PRKN: variants seen among roughly 807,000 people sequenced by gnomAD.
PRKN encodes the protein E3 ubiquitin-protein ligase parkin.
Under a neutral mutation model 59.5 loss-of-function variants are expected in PRKN, and 56 were observed. The observed-to-expected ratio is 0.94, with a 90% CI of 0.76 to 1.18. The LOEUF is 1.18. PRKN is among the 50% of genes most tolerant of loss of function. The pLI, the probability that PRKN is intolerant of heterozygous loss-of-function variation, is 0.00. For synonymous variants in PRKN, 250 were observed against 222.1 expected (o/e 1.13, Z -1.12); for missense variants, 657 against 596.4 (o/e 1.10, Z -1.06).
At position 161,526,674 on chromosome 6, in the gene PRKN, C is replaced by T. The variant is rs1779028733; in HGVS notation, c.1083+22180G>A. ...CCTCTGATATAATTTTACATTTACT[C>T]ATCCATTCATTTGCAAATGTTTGCT... On this transcript the variant is annotated intron_variant, in intron 9 of 11. Transcript: ENST00000366898. The surrounding 1 kb of genome is among the most constrained non-coding windows in gnomAD (Gnocchi z 4.1). 6.6e-6 allele frequency among the ~76,000 whole-genome samples: 1 copy of T among 151,958 alleles called. No individual in the cohort carries two copies. Among genetic ancestry groups the T allele is most frequent in the Admixed American group, 6.6e-5 (1 of 15,260 alleles).
intron 2 of PRKN, among the ~76,000 whole-genome samples, chr6:162,266,307 T>G (rs1780132199): frequency 9.8e-6 from 1 of 102,130 alleles, no homozygotes; most frequent in South Asian, 4.8e-4. Context: ...ATTGTGTGTG[T>G]GTGTGTGTGT....
intron 3 of PRKN, among the ~76,000 whole-genome samples, chr6:162,206,721 G>C (rs1387475642): frequency 6.6e-6 from 1 of 152,140 alleles, no homozygotes; most frequent in Non-Finnish European, 1.5e-5. Context: ...CTGGTCAGAA[G>C]TAACAGCAGG....
chr6:161,846,151 T>C (rs558888622), intron 6 of PRKN, among the ~76,000 whole-genome samples: 2 of 152,146 alleles, frequency 1.3e-5, no homozygotes, highest in Non-Finnish European at 2.9e-5. Flanking sequence ...ATCTATCCCA[T>C]GTGAAGAGAA....
At chr6:162,065,513 A>T (rs1044323045) in intron 4 of PRKN, among the ~76,000 whole-genome samples, 1 of 151,736 alleles carries the variant, frequency 6.6e-6, no homozygotes, top group Non-Finnish European at 1.5e-5. Flanking sequence ...TCCTCTGGCA[A>T]CACCCTCACA....
At chr6:161,671,352 T>A (rs1456927273) in intron 7 of PRKN, among the ~76,000 whole-genome samples, 1 of 152,190 alleles carries the variant, frequency 6.6e-6, no homozygotes, top group East Asian at 1.9e-4. Flanking sequence ...CACCTCACAC[T>A]GAAATAAGAC....
At chr6:161,867,687 G>C (rs940508896) in intron 6 of PRKN, among the ~76,000 whole-genome samples, 2 of 151,798 alleles carry the variant, frequency 1.3e-5, no homozygotes, top group Non-Finnish European at 2.9e-5. Flanking sequence ...AAGAGAACTG[G>C]GTTTTATTCT....
chr6:162,000,449 T>C (rs1294017840), intron 5 of PRKN, among the ~76,000 whole-genome samples: 3 of 152,130 alleles, frequency 2.0e-5, no homozygotes, highest in African/African-American at 7.2e-5. Flanking sequence ...CATGTTTATA[T>C]CTTCCTTGAG....
intron 9 of PRKN, among the ~76,000 whole-genome samples, chr6:161,465,276 T>A (rs945392594): frequency 5.3e-5 from 8 of 152,298 alleles, no homozygotes; most frequent in Non-Finnish European, 4.4e-5. Flanking sequence ...CTTCTTAACA[T>A]TGGGATTTTA....
chr6:162,713,927 T>G (rs1171985240), intron 1 of PRKN, among the ~76,000 whole-genome samples: 1 of 152,188 alleles, frequency 6.6e-6, no homozygotes, highest in African/African-American at 2.4e-5. Flanking sequence ...AAACAAACTG[T>G]GCTAAAAATT....
chr6:162,628,311 T>C (rs953879529), intron 1 of PRKN, among the ~76,000 whole-genome samples: 2 of 152,072 alleles, frequency 1.3e-5, no homozygotes, highest in Non-Finnish European at 2.9e-5. Context: ...AAGAAATCAA[T>C]GATAGAAGCT....
chr6:161,747,696 C>A (rs1014054181), intron 7 of PRKN, among the ~76,000 whole-genome samples: 1 of 152,232 alleles, frequency 6.6e-6, no homozygotes, highest in South Asian at 2.1e-4. Flanking sequence ...CACAAGGTTA[C>A]TGCAAAACAT....
intron 2 of PRKN, among the ~76,000 whole-genome samples, chr6:162,385,121 GAA>G (rs1169455771): frequency 6.6e-6 from 1 of 151,956 alleles, no homozygotes; most frequent in African/African-American, 2.4e-5. Flanking sequence ...TAAAAAACCT[GAA>G]AATACCATCA....
chr6:161,784,334 C>T (rs570608696), intron 7 of PRKN, among the ~76,000 whole-genome samples: 7 of 152,134 alleles, frequency 4.6e-5, no homozygotes, highest in African/African-American at 1.4e-4. Context: ...CACCAAAGGA[C>T]GTTATGAAGA....
At chr6:161,492,548 T>C (rs1335294558) in intron 9 of PRKN, among the ~76,000 whole-genome samples, 1 of 152,218 alleles carries the variant, frequency 6.6e-6, no homozygotes, top group South Asian at 2.1e-4. Context: ...AATCATAAGA[T>C]AGTTGAAATT....
rs138649628 is a variant in PRKN at position 161,457,838 on chromosome 6, C to T, written c.1084-70961G>A. ...GTCCAACATTTTGTAGATGACCGCA[C>T]ATGTAAGTTAAAGAAATAGTGGCCT... On this transcript the variant is annotated intron_variant, in intron 9 of 11. Transcript: ENST00000366898. This position sits in a 1 kb window ranked among gnomAD's most constrained non-coding sequence, Gnocchi z 5.0. Among the ~76,000 whole-genome samples the T allele has an allele frequency of 3.3e-5, 5 of 152,204 alleles. No individual in the cohort carries two copies. The highest frequency in any genetic ancestry group is 1.3e-4 in the Admixed American group (2 of 15,288).
intron 9 of PRKN, among the ~76,000 whole-genome samples, chr6:161,493,887 T>C (rs1217446777): frequency 1.3e-5 from 2 of 152,208 alleles, no homozygotes; most frequent in East Asian, 1.9e-4. Context: ...TGTAAGTGAC[T>C]AAAGAAGTGA....
In PRKN at chr6:162,169,465, T is replaced by G. The variant is rs184619313; in HGVS notation, c.534+31666A>C. On this transcript the variant is annotated intron_variant, in intron 4 of 11. Coordinates refer to ENST00000366898, the MANE Select transcript of PRKN (RefSeq NM_004562.3). ...CACTTTACAAGGGCACATATTAATT[T>G]TCTTAAAAATTTATCACATGTTATG... Among the ~76,000 whole-genome samples the G allele has an allele frequency of 3.1e-3, 446 of 145,420 alleles. 4 individuals carry two copies. Among genetic ancestry groups the G allele is most frequent in the African/African-American group, 0.01 (409 of 40,374 alleles).
chr6:161,897,917 A>G (rs1283261150), intron 6 of PRKN, among the ~76,000 whole-genome samples: 1 of 130,722 alleles, frequency 7.6e-6, no homozygotes, highest in Non-Finnish European at 1.6e-5. Flanking sequence ...CAGTGAGCTG[A>G]GATCGCGCCA....
intron 5 of PRKN, among the ~76,000 whole-genome samples, chr6:161,973,730 C>T (rs528925593): frequency 2.6e-5 from 4 of 152,178 alleles, no homozygotes; most frequent in East Asian, 1.9e-4. Context: ...AAGAATCACA[C>T]GATGTGGAGG....
Sources: gnomAD v4.1 joint callset for allele counts (sites outside exome capture counted in the v4.1 genomes callset) on GRCh38, gnomAD v4.1.1 for gene constraint, Gnocchi (gnomAD v3.1) non-coding constraint, MANE v1.5 for transcripts, NCBI Gene and HGNC (gene_info 2026-07-23, HGNC 2026-07-21) for gene names.